Variants in COL9A1 observed in about 807,000 individuals in gnomAD.
The protein encoded by COL9A1 is collagen alpha-1(IX) chain.
Under a neutral mutation model 142.6 loss-of-function variants are expected in COL9A1, and 104 were observed. That is an observed-to-expected ratio of 0.73 (90% CI 0.62 to 0.86). The LOEUF (loss-of-function observed/expected upper bound fraction) is 0.86, where lower values mean the gene tolerates loss of function less well. Ranked by LOEUF, COL9A1 falls within the 40% of genes least tolerant of loss-of-function variation. COL9A1 has a pLI of 0.00. For missense variants in COL9A1, 1,210 were observed against 1,176.6 expected, an observed-to-expected ratio of 1.03 and a Z score of -0.42; for synonymous variants, 466 against 396.0, an observed-to-expected ratio of 1.18 and a Z score of -2.10.
chr6:70,238,166 C>T (rs183151974), intron 33 of COL9A1, among the ~76,000 whole-genome samples: 79 of 152,210 alleles, frequency 5.2e-4, no homozygotes, highest in African/African-American at 1.8e-3. Flanking sequence ...ATGACATTGG[C>T]TGCCATGAGG....
rs1409554584 is a variant in COL9A1 at position 70,216,275 on chromosome 6, G to A, written c.*622C>T. 2 of 152,756 alleles carry A rather than the reference G, an allele frequency of 1.3e-5. No individual in the cohort carries two copies. Among genetic ancestry groups the A allele is most frequent in the African/African-American group, 4.8e-5 (2 of 41,402 alleles). 9.5% of individuals were successfully genotyped at this position (152,756 alleles called of 1,614,324 possible). A position where few individuals can be genotyped will look rare whatever the true frequency, so the allele number is the denominator to read the frequency against. On this transcript the variant is annotated 3_prime_UTR_variant, in exon 38 of 38. Transcript: ENST00000357250. The stretch of plus-strand genomic sequence containing the variant: ...CATAGAAGCGCTCAAAATATTAACA[G>A]GTTTGGGGTAAAGTACATACAGTTC...
chr6:70,281,281 G>A, intron 8 of COL9A1, 109 bp downstream of exon 8: 1 of 1,067,842 alleles, frequency 9.4e-7, no homozygotes, highest in South Asian at 1.5e-5. Context: ...GGCAGGAAGG[G>A]GAGACCCTGG....
At chr6:70,218,225 T>C (rs1454586792) in intron 37 of COL9A1, among the ~76,000 whole-genome samples, 1 of 152,238 alleles carries the variant, frequency 6.6e-6, no homozygotes, top group African/African-American at 2.4e-5. Context: ...ATATTATTGA[T>C]TAATGTCTTT....
At chr6:70,293,672 C>A (rs182057745) in intron 5 of COL9A1, among the ~76,000 whole-genome samples, 1 of 144,560 alleles carries the variant, frequency 6.9e-6, no homozygotes, top group African/African-American at 2.7e-5. Flanking sequence ...CACACACACA[C>A]ACATTTTCAT....
intron 32 of COL9A1, 74 bp downstream of exon 32, chr6:70,240,615 G>A (rs964136087): frequency 1.0e-6 from 1 of 978,678 alleles, no homozygotes; most frequent in Non-Finnish European, 1.6e-6. Flanking sequence ...AACTGTGTTA[G>A]AAGTATATAT....
Position 70,266,627 on chromosome 6 carries a change from C to A in COL9A1, c.1341+90G>T, listed in dbSNP as rs1044126522. ...AAAAGAATGGTAAAATATCGAGGTT[C>A]ATTATTTCCTATAATTCCTAATTTC... On this transcript the variant is annotated intron_variant, in intron 18 of 37. Transcript: ENST00000357250. The A allele has an allele frequency of 5.8e-6, 6 of 1,040,646 alleles. No individual in the cohort carries two copies. In the African/African-American group the frequency reaches 9.4e-5, roughly 16 times the overall value. The allele number at this position is 1,040,646 out of a possible 1,614,324, so 64.5% of individuals were successfully genotyped here. A position where few individuals can be genotyped will look rare whatever the true frequency, so the allele number is the denominator to read the frequency against.
downstream of COL9A1, chr6:70,215,352 T>C (rs1289590205): frequency 1.3e-5 from 2 of 152,272 alleles, no homozygotes; most frequent in Non-Finnish European, 2.9e-5. Context: ...CAACTAGGAC[T>C]AGAATTTAAA....
chr6:70,251,097 A>G (rs1405405145), intron 28 of COL9A1, among the ~76,000 whole-genome samples: 1 of 152,216 alleles, frequency 6.6e-6, no homozygotes, highest in Non-Finnish European at 1.5e-5. Flanking sequence ...CCATCACCCA[A>G]TGCATGGATC....
At chr6:70,226,051 A>C in intron 36 of COL9A1, 42 bp from the exon 37 acceptor site, 1 of 1,514,136 alleles carries the variant, frequency 6.6e-7, no homozygotes, top group Non-Finnish European at 9.2e-7. Context: ...ACATATCTAT[A>C]AAAATAAACT....
chr6:70,234,864 C>T lies in COL9A1; in HGVS notation c.2189G>A (p.Gly730Glu). 2 of 1,614,136 alleles carry T rather than the reference C, an allele frequency of 1.2e-6. No homozygotes were observed. The highest frequency in any genetic ancestry group is 1.7e-6 in the Non-Finnish European group (2 of 1,180,014). ...CTGCACACCCCGGGGTCCAGGTGGTCCTCTTGGTCCTTCCACTCCAGGAAG... is the reference window on the plus strand; with the variant it reads ...CTGCACACCCCGGGGTCCAGGTGGTTCTCTTGGTCCTTCCACTCCAGGAAG... ...RGLPGVEGPR[G>E]PPGPRGVQGE... Residue 730 changes from glycine to glutamate, a missense_variant, in exon 34 of 38, where the codon GGA becomes GAA. Transcript: ENST00000357250.
chr6:70,229,549 A>ATGTG (rs1322680521), intron 36 of COL9A1, among the ~76,000 whole-genome samples: 3 of 152,214 alleles, frequency 2.0e-5, no homozygotes, highest in Non-Finnish European at 4.4e-5. Flanking sequence ...GGTGTTAGTC[A>ATGTG]TAATTATGAC....
chr6:70,261,162 A>G (rs1009043158), intron 19 of COL9A1: 1 of 169,494 alleles, frequency 5.9e-6, no homozygotes, highest in Admixed American at 5.7e-5. Flanking sequence ...CTAGCCCACG[A>G]AAGCCTATAA....
At position 70,232,779 on chromosome 6, in the gene COL9A1, A is replaced by T. The variant is rs2127557768; in HGVS notation, c.2315-8T>A. 1 of 1,606,880 alleles carries T rather than the reference A, an allele frequency of 6.2e-7. No individual in the cohort carries two copies. Among genetic ancestry groups the T allele is most frequent in the Admixed American group, 1.7e-5 (1 of 58,810 alleles). ...CCATCTCAGCAAAATGTTCTAAAAGAGAATAAACAAAACAACCCAGAAGTG... is the reference window on the plus strand; with the variant it reads ...CCATCTCAGCAAAATGTTCTAAAAGTGAATAAACAAAACAACCCAGAAGTG... On this transcript the variant is annotated splice_polypyrimidine_tract_variant and splice_region_variant and intron_variant, in intron 35 of 37. Coordinates refer to ENST00000357250, the MANE Select transcript of COL9A1 (RefSeq NM_001851.6).
At chr6:70,243,604 T>A (rs1487601176) in intron 28 of COL9A1, among the ~76,000 whole-genome samples, 2 of 152,170 alleles carry the variant, frequency 1.3e-5, no homozygotes, top group African/African-American at 4.8e-5. Flanking sequence ...CTCAGCTCAC[T>A]GCAACCTCCA....
intron 5 of COL9A1, among the ~76,000 whole-genome samples, chr6:70,285,247 G>C (rs1262522703): frequency 6.6e-6 from 1 of 152,140 alleles, no homozygotes; most frequent in Non-Finnish European, 1.5e-5. Context: ...ATACAGGCTG[G>C]GTTGTTCAGA....
chr6:70,243,217 AAG>A (rs1175196699), intron 28 of COL9A1, among the ~76,000 whole-genome samples: 2 of 152,232 alleles, frequency 1.3e-5, no homozygotes, highest in African/African-American at 4.8e-5. Flanking sequence ...CAACTTCAAA[AAG>A]ACACAGATGG....
intron 4 of COL9A1, among the ~76,000 whole-genome samples, chr6:70,296,122 AT>A (rs1403896459): frequency 6.6e-6 from 1 of 152,182 alleles, no homozygotes; most frequent in Non-Finnish European, 1.5e-5. Flanking sequence ...TTATACAAAT[AT>A]TTTTACAAGC....
chr6:70,240,673 A>G lies in COL9A1; in HGVS notation c.2079+16T>C, dbSNP rs1770200342. 1.3e-6 allele frequency: 2 copies of G among 1,506,128 alleles called. No homozygotes were observed. Among genetic ancestry groups the G allele is most frequent in the Non-Finnish European group, 1.8e-6 (2 of 1,095,212 alleles). 93.3% of individuals were successfully genotyped at this position (1,506,128 alleles called of 1,614,324 possible). ...TTGGTAAAGCTTCATCATTAACCAG[A>G]AAAAAAAAATCTTACAAGTTCCCCC... On this transcript the variant is annotated intron_variant, in intron 32 of 37. Transcript: ENST00000357250.
chr6:70,278,663 T>C (rs1772920557), intron 10 of COL9A1, among the ~76,000 whole-genome samples: 1 of 152,216 alleles, frequency 6.6e-6, no homozygotes, highest in African/African-American at 2.4e-5. Context: ...GAGGTCAAAG[T>C]TCAATAATTT....
Sources: gnomAD v4.1 joint callset for allele counts (sites outside exome capture counted in the v4.1 genomes callset) on GRCh38, gnomAD v4.1.1 for gene constraint, MANE v1.5 for transcripts, NCBI Gene and HGNC (gene_info 2026-07-23, HGNC 2026-07-21) for gene names.